FYN: variants seen among roughly 807,000 people sequenced by gnomAD.
FYN encodes the protein FYN proto-oncogene, Src family tyrosine kinase.
In FYN, 10 loss-of-function variants were observed where a neutral mutation model predicts 70.2. That is an observed-to-expected ratio of 0.14 (90% CI 0.09 to 0.24). The LOEUF (loss-of-function observed/expected upper bound fraction) is 0.24, where lower values mean the gene tolerates loss of function less well. Among genes scored for constraint, FYN ranks in the 10% least tolerant of loss-of-function variants. The pLI, the probability that FYN is intolerant of heterozygous loss-of-function variation, is 1.00. For missense variants in FYN, 319 were observed against 673.1 expected (o/e 0.47, Z 5.82); for synonymous variants, 236 against 248.6 (o/e 0.95, Z 0.48).
chr6:111,858,245 G>A (rs1377435847), intron 1 of FYN: 2 of 152,214 alleles, frequency 1.3e-5, no homozygotes, highest in Admixed American at 1.3e-4. Flanking sequence ...CAGAGAGGAG[G>A]CAGGGCACCA....
At chr6:111,844,324 A>G (rs908664289) in intron 2 of FYN, among the ~76,000 whole-genome samples, 1 of 152,228 alleles carries the variant, frequency 6.6e-6, no homozygotes, top group Admixed American at 6.5e-5. Context: ...AAGAACAAAC[A>G]CTGTAACTTT....
chr6:111,846,523 G>T (rs988575105), intron 2 of FYN, 66 bp downstream of exon 2: 3 of 398,716 alleles, frequency 7.5e-6, no homozygotes, highest in Admixed American at 8.8e-5. Flanking sequence ...TTCATCCTAG[G>T]TTCCAACAGG....
At chr6:111,791,639 C>T (rs774934202) in intron 2 of FYN, among the ~76,000 whole-genome samples, 1 of 152,276 alleles carries the variant, frequency 6.6e-6, no homozygotes, top group Admixed American at 6.5e-5. Flanking sequence ...GGATTCCTGG[C>T]CACCACCAGA....
At chr6:111,816,055 A>AT (rs1772479970) in intron 2 of FYN, among the ~76,000 whole-genome samples, 1 of 152,150 alleles carries the variant, frequency 6.6e-6, no homozygotes, top group African/African-American at 2.4e-5. Flanking sequence ...AATAAACAGT[A>AT]TTTTTTAAAA....
chr6:111,707,025 G>C (rs1456195457), intron 6 of FYN, among the ~76,000 whole-genome samples: 1 of 152,218 alleles, frequency 6.6e-6, no homozygotes, highest in Non-Finnish European at 1.5e-5. Flanking sequence ...AGGGTGTGGA[G>C]TCTAATCCCT....
chr6:111,742,977 T>G (rs948717966), intron 3 of FYN, among the ~76,000 whole-genome samples: 7 of 151,864 alleles, frequency 4.6e-5, no homozygotes, highest in African/African-American at 1.5e-4. Flanking sequence ...CTTTTTTTTT[T>G]TTTTTTTGAG....
Position 111,707,917 on chromosome 6 carries a change from CAT to C in FYN, c.443+3_443+4del. The C allele has an allele frequency of 6.2e-7, 1 of 1,606,382 alleles. No individual in the cohort carries two copies. The highest frequency in any genetic ancestry group is 8.5e-7 in the Non-Finnish European group (1 of 1,173,116). On this transcript the variant is annotated splice_donor_region_variant and intron_variant, in intron 6 of 13. Coordinates refer to ENST00000354650, the MANE Select transcript of FYN (RefSeq NM_002037.5). ...GTAGTTAAGTGAAAACAAAATGAAA[CAT>C]ACTCTTCTGCCTGGATAGAGTCAAC... is the stretch of plus-strand genomic sequence containing the variant.
chr6:111,668,536 AG>A (rs1357421455), intron 13 of FYN, among the ~76,000 whole-genome samples: 1 of 150,400 alleles, frequency 6.6e-6, no homozygotes, highest in African/African-American at 2.4e-5. Flanking sequence ...AAAGAGAGGC[AG>A]GGTGCCCATG....
chr6:111,695,114 C>A (rs1020707882), intron 10 of FYN, among the ~76,000 whole-genome samples: 3 of 152,158 alleles, frequency 2.0e-5, no homozygotes, highest in Non-Finnish European at 4.4e-5. Context: ...CTGGGACCAG[C>A]AGCTACAATA....
In FYN at chr6:111,805,150, A is replaced by T. The variant is rs1427845449; in HGVS notation, c.-81-24515T>A. On this transcript the variant is annotated intron_variant, in intron 2 of 13. Coordinates refer to ENST00000354650, the MANE Select transcript of FYN (RefSeq NM_002037.5). Reference sequence around the variant, plus strand: ...TAGTCCTACAAGGCGTTTTACATGTATGGCCAAGGAGCAGGAACACTATCT... The same window carrying T: ...TAGTCCTACAAGGCGTTTTACATGTTTGGCCAAGGAGCAGGAACACTATCT... Among the ~76,000 whole-genome samples the T allele has an allele frequency of 2.6e-5, 4 of 152,092 alleles. No homozygotes were observed. In the East Asian group the frequency reaches 7.7e-4, roughly 29 times the overall value.
chr6:111,737,025 T>C (rs988829410), intron 3 of FYN, among the ~76,000 whole-genome samples: 5 of 152,240 alleles, frequency 3.3e-5, no homozygotes, highest in African/African-American at 1.2e-4. Flanking sequence ...TGTTCTAACA[T>C]GGTTGCTGGT....
At chr6:111,815,508 T>C (rs1772459055) in intron 2 of FYN, among the ~76,000 whole-genome samples, 1 of 152,138 alleles carries the variant, frequency 6.6e-6, no homozygotes, top group South Asian at 2.1e-4. Context: ...TCTAGGTAAC[T>C]ACTCCCTCTC....
At chr6:111,867,379 T>TGGGAGGTGGAGGTTGCA (rs1055875851) in intron 1 of FYN, among the ~76,000 whole-genome samples, 3 of 139,608 alleles carry the variant, frequency 2.1e-5, no homozygotes, top group Non-Finnish European at 3.0e-5. Context: ...CGCTTGAACC[T>TGGGAGGTGGAGGTTGCA]GGGAGGTGGA....
At chr6:111,763,965 C>T (rs947864053) in intron 3 of FYN, among the ~76,000 whole-genome samples, 3 of 151,988 alleles carry the variant, frequency 2.0e-5, no homozygotes, top group African/African-American at 4.8e-5. Flanking sequence ...AGTAGGAACA[C>T]ATAACCAATT....
At chr6:111,736,670 A>G (rs1430703816) in intron 3 of FYN, among the ~76,000 whole-genome samples, 1 of 152,190 alleles carries the variant, frequency 6.6e-6, no homozygotes, top group Non-Finnish European at 1.5e-5. Flanking sequence ...AGCTGACTCG[A>G]CATGCTGATT....
intron 2 of FYN, among the ~76,000 whole-genome samples, chr6:111,825,079 T>C (rs1051424307): frequency 1.3e-5 from 2 of 152,166 alleles, no homozygotes; most frequent in Non-Finnish European, 1.5e-5. Context: ...AGAAAGCCAT[T>C]GCCTCTGATG....
At chr6:111,872,479 G>A (rs1437159738) in intron 1 of FYN, among the ~76,000 whole-genome samples, 3 of 146,742 alleles carry the variant, frequency 2.0e-5, no homozygotes, top group African/African-American at 7.5e-5. Context: ...TAGGCAGGAG[G>A]ATGGGTTGGA....
At chr6:111,799,245 A>T (rs1771908353) in intron 2 of FYN, among the ~76,000 whole-genome samples, 1 of 152,256 alleles carries the variant, frequency 6.6e-6, no homozygotes, top group Admixed American at 6.5e-5. Context: ...TCAAGGGCAC[A>T]GGAAGGATGC....
chr6:111,850,665 G>C (rs1226001089), intron 1 of FYN, among the ~76,000 whole-genome samples: 19 of 152,236 alleles, frequency 1.2e-4, no homozygotes, highest in Admixed American at 1.2e-3. Context: ...AGCACACACA[G>C]AAGCTCCTCA....
Sources: allele counts gnomAD v4.1 joint callset (sites outside exome capture counted in the v4.1 genomes callset), GRCh38; gene constraint gnomAD v4.1.1; transcripts MANE v1.5; gene names NCBI Gene and HGNC (gene_info 2026-07-23, HGNC 2026-07-21).